Variants in LRCH3 observed in about 807,000 individuals in gnomAD.
The protein encoded by LRCH3 is DISP complex protein LRCH3.
In LRCH3, 68 loss-of-function variants were observed where a neutral mutation model predicts 104.5. That is an observed-to-expected ratio of 0.65 (90% CI 0.54 to 0.80). The LOEUF (loss-of-function observed/expected upper bound fraction) is 0.80, where lower values mean the gene tolerates loss of function less well. Ranked by LOEUF, LRCH3 falls within the 30% of genes least tolerant of loss-of-function variation. The pLI is 0.00. For synonymous variants in LRCH3, 344 were observed against 361.3 expected (o/e 0.95, Z 0.54); for missense variants, 951 against 953.9 (o/e 1.00, Z 0.04).
chr3:197,839,080 T>C (rs1366029287), intron 9 of LRCH3, among the ~76,000 whole-genome samples: 2 of 152,224 alleles, frequency 1.3e-5, no homozygotes, highest in Non-Finnish European at 2.9e-5. Context: ...TATAATACAG[T>C]GAGAAGGAAA....
Position 197,813,510 on chromosome 3 carries a change from AT to A in LRCH3, c.263-1360del, listed in dbSNP as rs57062885. Among the ~76,000 whole-genome samples, 76 of 65,962 alleles carry A rather than the reference AT, an allele frequency of 1.2e-3. 1 individual carries two copies. The highest frequency in any genetic ancestry group is 1.8e-3 in the African/African-American group (38 of 21,162). 43.3% of individuals were successfully genotyped at this position (65,962 alleles called of 152,430 possible). On this transcript the variant is annotated intron_variant, in intron 1 of 20. Coordinates refer to ENST00000425562, the MANE Select transcript of LRCH3 (RefSeq NM_001365715.1). The stretch of plus-strand genomic sequence containing the variant: ...CCGTTCTTCTAATGGGAGGCATATA[AT>A]TTTTTTTTTTTTTTTTTTTTTTTTT...
At chr3:197,816,228 T>G (rs1021868805) in intron 2 of LRCH3, among the ~76,000 whole-genome samples, 3 of 152,186 alleles carry the variant, frequency 2.0e-5, no homozygotes, top group Non-Finnish European at 2.9e-5. Context: ...AGAGGTTAAA[T>G]TTACATACGT....
chr3:197,872,813 C>CCACTG (rs140452472), intron 19 of LRCH3, among the ~76,000 whole-genome samples: 19,084 of 152,014 alleles, frequency 0.13, 1,299 homozygotes, highest in African/African-American at 0.19. Flanking sequence ...TGAGATCGCA[C>CCACTG]CACTGCACTC....
At position 197,887,383 on chromosome 3, in the gene LRCH3, T is replaced by C. The variant is rs1580944370; in HGVS notation, c.*3717T>C. On this transcript the variant is annotated 3_prime_UTR_variant, in exon 21 of 21. Transcript: ENST00000425562. ...GCAGAGCCCTTCCCATCACTGACAG[T>C]GTGTCGGCAGCTGAGAGCTCCCCCA... The C allele has an allele frequency of 7.0e-6, 1 of 142,408 alleles. No homozygotes were observed. The highest frequency in any genetic ancestry group is 2.1e-4 in the East Asian group (1 of 4,726). The allele number at this position is 142,408 out of a possible 1,614,324, so 8.8% of individuals were successfully genotyped here.
intron 10 of LRCH3, among the ~76,000 whole-genome samples, chr3:197,840,846 G>A (rs1192213845): frequency 2.0e-5 from 3 of 152,096 alleles, no homozygotes; most frequent in Admixed American, 6.6e-5. Flanking sequence ...TCCTTTTATT[G>A]AGAGTGTAGT....
intron 20 of LRCH3, among the ~76,000 whole-genome samples, chr3:197,880,137 G>A (rs1291289370): frequency 2.6e-5 from 4 of 151,082 alleles, no homozygotes; most frequent in Non-Finnish European, 5.9e-5. Context: ...AGTAAAGACG[G>A]GGTTTCACCG....
rs148382632 is a variant in LRCH3 at position 197,829,656 on chromosome 3, G to A, written c.870G>A (p.Pro290=). 5.2e-4 allele frequency: 834 copies of A among 1,611,420 alleles called. 1 individual carries two copies. The African/African-American group carries it at 6.1e-3, about 12-fold the overall frequency. ...ATCTGCCGGATTATGATAGGAGACC[G>A]TTGGGTTTTGGCTCCTGGTAAGTAT... ...APDLPDYDRR[P]LGFGSCHEEL... Residue 290 remains proline, a synonymous_variant, in exon 6 of 21, where the codon CCG becomes CCA. Coordinates refer to ENST00000425562, the MANE Select transcript of LRCH3 (RefSeq NM_001365715.1).
chr3:197,881,422 TG>T (rs1462420901), intron 20 of LRCH3: 5 of 985,482 alleles, frequency 5.1e-6, no homozygotes, highest in Non-Finnish European at 6.0e-6. Context: ...CACGAGCAGA[TG>T]GGCTGGAGCT....
At chr3:197,866,447 T>C (rs540425305) in intron 17 of LRCH3, among the ~76,000 whole-genome samples, 16 of 152,342 alleles carry the variant, frequency 1.1e-4, no homozygotes, top group Admixed American at 9.8e-4. Context: ...ATAGAGTGTT[T>C]GAACAAATAA....
chr3:197,828,038 C>T (rs902470108), intron 5 of LRCH3, among the ~76,000 whole-genome samples: 9 of 142,722 alleles, frequency 6.3e-5, no homozygotes, highest in African/African-American at 2.1e-4. Flanking sequence ...GATGGCGCCA[C>T]TGCACTCCAG....
Position 197,875,787 on chromosome 3 carries a change from A to G in LRCH3, c.2208+12A>G. ...TTGGTGTACCTCAGGTAATAAATTT[A>G]TCATTTTTTATGTTGCCTAAATAGA... On this transcript the variant is annotated intron_variant, in intron 20 of 20. Transcript: ENST00000425562. 1 of 1,493,006 alleles carries G rather than the reference A, an allele frequency of 6.7e-7. No homozygotes were observed. The highest frequency in any genetic ancestry group is 2.5e-5 in the East Asian group (1 of 40,678). The allele number at this position is 1,493,006 out of a possible 1,614,324, so 92.5% of individuals were successfully genotyped here. A position where few individuals can be genotyped will look rare whatever the true frequency, so the allele number is the denominator to read the frequency against.
intron 10 of LRCH3, among the ~76,000 whole-genome samples, chr3:197,840,063 TAGTC>T (rs1306236164): frequency 6.6e-6 from 1 of 151,922 alleles, no homozygotes; most frequent in African/African-American, 2.4e-5. Flanking sequence ...CAGAGAGAAA[TAGTC>T]AGAGACAGTG....
intron 20 of LRCH3, chr3:197,882,689 T>A: frequency 1.0e-6 from 1 of 985,144 alleles, no homozygotes; most frequent in African/African-American, 1.7e-5. Flanking sequence ...TTCTTAAGAT[T>A]TGCCTTTTTC....
At position 197,817,281 on chromosome 3, in the gene LRCH3, C is replaced by A; in HGVS notation, c.513C>A (p.His171Gln). The change falls in exon 3 of 21, where the codon CAC becomes CAA. Residue 171 changes from histidine to glutamine, a missense_variant. His to Gln is a conservative substitution (Grantham distance 24). Transcript: ENST00000425562. ...KLVSLPEEIG[H>Q]LRHLMELDVS... ...TGTCACTTCCAGAAGAAATTGGACACCTTAGACATTTGATGGAACTTGTAA... is the reference window on the plus strand; with the variant it reads ...TGTCACTTCCAGAAGAAATTGGACAACTTAGACATTTGATGGAACTTGTAA... The A allele has an allele frequency of 6.2e-7, 1 of 1,602,812 alleles. No individual in the cohort carries two copies. Among genetic ancestry groups the A allele is most frequent in the Non-Finnish European group, 8.5e-7 (1 of 1,175,896 alleles).
intron 20 of LRCH3, chr3:197,880,718 G>A: frequency 6.5e-7 from 1 of 1,536,724 alleles, no homozygotes; most frequent in Non-Finnish European, 8.7e-7. Context: ...CTCGCTGAAA[G>A]ATTGCACTCC....
chr3:197,860,992 A>G (rs1245986211), intron 15 of LRCH3, among the ~76,000 whole-genome samples: 1 of 135,468 alleles, frequency 7.4e-6, no homozygotes, highest in South Asian at 2.3e-4. Flanking sequence ...TTTTTTTGAG[A>G]CGGAGTTTTG....
intron 1 of LRCH3, among the ~76,000 whole-genome samples, chr3:197,797,327 CA>C (rs3085302): frequency 9.4e-4 from 67 of 71,534 alleles, no homozygotes; most frequent in African/African-American, 3.0e-3. Flanking sequence ...AACTCCATCT[CA>C]AAAAAAAAAA....
At chr3:197,842,418 GA>G (rs1379691748) in intron 10 of LRCH3, among the ~76,000 whole-genome samples, 1 of 152,136 alleles carries the variant, frequency 6.6e-6, no homozygotes, top group Admixed American at 6.5e-5. Flanking sequence ...ACAGCTCTCA[GA>G]CCAGCAAGAC....
intron 20 of LRCH3, among the ~76,000 whole-genome samples, chr3:197,878,953 AAGAT>A (rs999723146): frequency 1.3e-5 from 2 of 152,238 alleles, no homozygotes; most frequent in Admixed American, 1.3e-4. Context: ...ATACCCAGGT[AAGAT>A]AGATAAAGAC....
Sources: allele counts gnomAD v4.1 joint callset (sites outside exome capture counted in the v4.1 genomes callset), GRCh38; gene constraint gnomAD v4.1.1; transcripts MANE v1.5; gene names NCBI Gene and HGNC (gene_info 2026-07-23, HGNC 2026-07-21).